Variants in SEC14L2 observed in about 807,000 individuals in gnomAD.
SEC14L2 encodes SEC14-like protein 2.
In SEC14L2, 50 loss-of-function variants were observed where a neutral mutation model predicts 56.9. The observed-to-expected ratio is 0.88, with a 90% CI of 0.70 to 1.11. The LOEUF is 1.11. Among genes scored for constraint, SEC14L2 ranks in the 50% most tolerant of loss-of-function variants. The probability of loss-of-function intolerance (pLI) is 0.00; values close to 1 mark genes in which losing one functional copy is unlikely to be tolerated. For synonymous variants in SEC14L2, 179 were observed against 188.5 expected, an observed-to-expected ratio of 0.95 and a Z score of 0.41; for missense variants, 414 against 500.7, an observed-to-expected ratio of 0.83 and a Z score of 1.65.
intron 8 of SEC14L2, among the ~76,000 whole-genome samples, chr22:30,414,700 G>A (rs1934340390): frequency 6.6e-6 from 1 of 151,958 alleles, no homozygotes; most frequent in Admixed American, 6.6e-5. Flanking sequence ...GATTGGTGAA[G>A]TGGTTCTTAG....
chr22:30,414,254 T>G (rs368992494), intron 8 of SEC14L2, among the ~76,000 whole-genome samples: 1 of 152,210 alleles, frequency 6.6e-6, no homozygotes, highest in Non-Finnish European at 1.5e-5. Context: ...GAGGTTTTTA[T>G]GATTTTTGTT....
chr22:30,407,940 T>G (rs1934145075), intron 5 of SEC14L2, among the ~76,000 whole-genome samples: 1 of 152,102 alleles, frequency 6.6e-6, no homozygotes, highest in Non-Finnish European at 1.5e-5. Context: ...ATATCTATTT[T>G]GCCATGTAAG....
intron 11 of SEC14L2, among the ~76,000 whole-genome samples, chr22:30,417,145 T>C (rs1934409859): frequency 6.6e-6 from 1 of 152,230 alleles, no homozygotes; most frequent in Non-Finnish European, 1.5e-5. Context: ...AACTGACATG[T>C]AAACTGTCTG....
intron 2 of SEC14L2, among the ~76,000 whole-genome samples, chr22:30,403,921 T>C (rs936642716): frequency 6.3e-5 from 9 of 142,292 alleles, no homozygotes; most frequent in African/African-American, 2.4e-4. Context: ...GAGAATGGCG[T>C]GAACCCGGGA....
At position 30,424,884 on chromosome 22, in the gene SEC14L2, G is replaced by GATTC. The variant is rs1934627739; in HGVS notation, c.*2486_*2489dup. On this transcript the variant is annotated 3_prime_UTR_variant, in exon 12 of 12. Coordinates refer to ENST00000615189, the MANE Select transcript of SEC14L2 (RefSeq NM_012429.5). ...AACCCCAACTCTGTCTCCCTTGCCCGATTCATTCATTCGTTAATTAATTCA... is the reference window on the plus strand; with the variant it reads ...AACCCCAACTCTGTCTCCCTTGCCCGATTCATTCATTCATTCGTTAATTAATTCA... 1 of 449,450 alleles carries GATTC rather than the reference G, an allele frequency of 2.2e-6. No individual in the cohort carries two copies. The highest frequency in any genetic ancestry group is 7.0e-5 in the East Asian group (1 of 14,274). 27.8% of individuals were successfully genotyped at this position (449,450 alleles called of 1,614,324 possible). A position where few individuals can be genotyped will look rare whatever the true frequency, so the allele number is the denominator to read the frequency against.
At chr22:30,404,432 C>A (rs1934036156) in intron 2 of SEC14L2, among the ~76,000 whole-genome samples, 1 of 152,066 alleles carries the variant, frequency 6.6e-6, no homozygotes, top group Admixed American at 6.6e-5. Context: ...GCTCGGCACT[C>A]CCAGAGAGCG....
intron 8 of SEC14L2, 147 bp from the exon 9 acceptor site, chr22:30,415,612 T>C (rs1934365511): frequency 1.5e-6 from 1 of 675,358 alleles, no homozygotes; most frequent in Non-Finnish European, 2.6e-6. Context: ...ATGCACTGTG[T>C]GCTCCTAATG....
intron 2 of SEC14L2, among the ~76,000 whole-genome samples, chr22:30,402,394 T>C (rs1368518509): frequency 6.6e-6 from 1 of 152,064 alleles, no homozygotes; most frequent in African/African-American, 2.4e-5. Flanking sequence ...TGGCAGCTGG[T>C]CTCCTGATTC....
chr22:30,399,492 C>A, intron 1 of SEC14L2, 151 bp from the exon 2 acceptor site: 4 of 459,186 alleles, frequency 8.7e-6, no homozygotes, highest in Non-Finnish European at 1.1e-5. Flanking sequence ...CCAGCCTGGG[C>A]GAGAGTGCGA....
At chr22:30,415,365 G>A (rs1199055851) in intron 8 of SEC14L2, among the ~76,000 whole-genome samples, 5 of 152,120 alleles carry the variant, frequency 3.3e-5, no homozygotes, top group Non-Finnish European at 5.9e-5. Context: ...CCCGGGAGGC[G>A]GAGGTTGCAG....
rs527698647 is a variant in SEC14L2 at position 30,422,996 on chromosome 22, A to C, written c.*589A>C. On this transcript the variant is annotated 3_prime_UTR_variant, in exon 12 of 12. Transcript: ENST00000615189. ...CGGTAGACAGGCTGGCCTCTCCCTC[A>C]CTTTGAGACTTTGGCAACTCCTGGG... 1.3e-5 allele frequency: 2 copies of C among 152,602 alleles called. No homozygotes were observed. Among genetic ancestry groups the C allele is most frequent in the Non-Finnish European group, 2.9e-5 (2 of 68,086 alleles). The allele number at this position is 152,602 out of a possible 1,614,324, so 9.5% of individuals were successfully genotyped here.
intron 3 of SEC14L2, 72 bp from the exon 4 acceptor site, chr22:30,407,023 A>T: frequency 6.6e-7 from 1 of 1,508,358 alleles, no homozygotes; most frequent in Non-Finnish European, 9.2e-7. Flanking sequence ...AAGTGCTGGG[A>T]TTACAGGTGT....
At chr22:30,406,222 G>A in intron 2 of SEC14L2, 120 bp from the exon 3 acceptor site, 1 of 916,706 alleles carries the variant, frequency 1.1e-6, no homozygotes, top group Non-Finnish European at 1.7e-6. Context: ...ATGGTCTGAG[G>A]GTTAGCTGGA....
At chr22:30,398,956 G>A (rs757653467) in intron 1 of SEC14L2, 13 of 383,286 alleles carry the variant, frequency 3.4e-5, no homozygotes, top group Admixed American at 8.9e-5. Flanking sequence ...ATAAGCTATG[G>A]TGCCAAGATC....
rs200914725 is a variant in SEC14L2 at position 30,398,709 on chromosome 22, G to A, written c.55-934G>A. 1.1e-3 allele frequency: 527 copies of A among 471,416 alleles called. 1 individual carries two copies. The highest frequency in any genetic ancestry group is 1.9e-3 in the Non-Finnish European group (441 of 227,122). 29.2% of individuals were successfully genotyped at this position (471,416 alleles called of 1,614,324 possible). The stretch of plus-strand genomic sequence containing the variant: ...CAAATGCCATGTTTTATAGGAAGCC[G>A]TGTGAGACCACCTCTTTCTTCCCTC... On this transcript the variant is annotated intron_variant, in intron 1 of 11. Coordinates refer to ENST00000615189, the MANE Select transcript of SEC14L2 (RefSeq NM_012429.5).
In SEC14L2 at chr22:30,399,585, G is replaced by T. The variant is rs551979762; in HGVS notation, c.55-58G>T. 115 of 1,302,334 alleles carry T rather than the reference G, an allele frequency of 8.8e-5. No individual in the cohort carries two copies. In the Admixed American group the frequency reaches 2.2e-3, roughly 25 times the overall value. 80.7% of individuals were successfully genotyped at this position (1,302,334 alleles called of 1,614,324 possible). ...GCAAAGATCTCAGTGGAGAGTCCTAGGCAGAGGGCAGCAGTCAGGGCGGGC... is the reference window on the plus strand; with the variant it reads ...GCAAAGATCTCAGTGGAGAGTCCTATGCAGAGGGCAGCAGTCAGGGCGGGC... On this transcript the variant is annotated intron_variant, in intron 1 of 11. Transcript: ENST00000615189.
intron 1 of SEC14L2, 35 bp from the exon 2 acceptor site, chr22:30,399,608 G>T: frequency 1.3e-6 from 2 of 1,577,194 alleles, no homozygotes; most frequent in Non-Finnish European, 1.7e-6. Context: ...AGTCAGGGCG[G>T]GCCCTACCAC....
At chr22:30,417,942 T>C (rs1601787272) in intron 11 of SEC14L2, among the ~76,000 whole-genome samples, 1 of 152,186 alleles carries the variant, frequency 6.6e-6, no homozygotes, top group South Asian at 2.1e-4. Flanking sequence ...AGGCGGAATA[T>C]TCTTATTAGT....
intron 2 of SEC14L2, among the ~76,000 whole-genome samples, chr22:30,405,180 AG>A (rs1934060358): frequency 6.6e-6 from 1 of 152,174 alleles, no homozygotes; most frequent in Non-Finnish European, 1.5e-5. Context: ...AAACACTCAA[AG>A]GGAAGTTATT....
Sources: allele counts gnomAD v4.1 joint callset (sites outside exome capture counted in the v4.1 genomes callset), GRCh38; gene constraint gnomAD v4.1.1; transcripts MANE v1.5; gene names NCBI Gene and HGNC (gene_info 2026-07-23, HGNC 2026-07-21).